PALM2AKAP2: variants seen among roughly 807,000 people sequenced by gnomAD.
PALM2AKAP2 encodes PALM2 and AKAP2 fusion.
Under a neutral mutation model 71.5 loss-of-function variants are expected in PALM2AKAP2, and 37 were observed. The observed-to-expected ratio is 0.52, with a 90% CI of 0.40 to 0.68. The LOEUF (loss-of-function observed/expected upper bound fraction) is 0.68, where lower values mean the gene tolerates loss of function less well. Ranked by LOEUF, PALM2AKAP2 falls within the 30% of genes least tolerant of loss-of-function variation. The probability of loss-of-function intolerance (pLI) is 0.00; values close to 1 mark genes in which losing one functional copy is unlikely to be tolerated. For synonymous variants in PALM2AKAP2, 468 were observed against 478.8 expected (o/e 0.98, Z 0.29); for missense variants, 1,224 against 1,191.8 (o/e 1.03, Z -0.40).
At chr9:109,914,474 TAGC>T (rs1260922572) in intron 3 of PALM2AKAP2, among the ~76,000 whole-genome samples, 1 of 152,296 alleles carries the variant, frequency 6.6e-6, no homozygotes. Flanking sequence ...TTGAGCAACT[TAGC>T]AGTCCCCTTT....
intron 1 of PALM2AKAP2, among the ~76,000 whole-genome samples, chr9:109,790,062 C>G (rs1327467528): frequency 6.6e-6 from 1 of 152,090 alleles, no homozygotes; most frequent in Non-Finnish European, 1.5e-5. Flanking sequence ...GAATCTGTAC[C>G]TTTCTTTTGC....
intron 7 of PALM2AKAP2, among the ~76,000 whole-genome samples, chr9:110,023,014 T>C (rs1833101853): frequency 6.6e-6 from 1 of 152,164 alleles, no homozygotes; most frequent in African/African-American, 2.4e-5. Context: ...GTCTTTGCTA[T>C]TGTGAATAGT....
chr9:109,657,929 T>C (rs1188294643), intron 1 of PALM2AKAP2, among the ~76,000 whole-genome samples: 3 of 119,914 alleles, frequency 2.5e-5, no homozygotes, highest in African/African-American at 1.0e-4. Flanking sequence ...CTCACAGATT[T>C]GTGTGTGTTT....
intron 1 of PALM2AKAP2, among the ~76,000 whole-genome samples, chr9:109,848,886 C>CA (rs145080904): frequency 0.049 from 5,718 of 117,034 alleles, 138 homozygotes; most frequent in African/African-American, 0.083. Flanking sequence ...GCCACTGTCT[C>CA]AAAAAAAAAA....
chr9:110,102,270 T>C (rs1835016429), intron 1 of PALM2AKAP2, among the ~76,000 whole-genome samples: 1 of 152,234 alleles, frequency 6.6e-6, no homozygotes, highest in South Asian at 2.1e-4. Flanking sequence ...AATGGAATAG[T>C]GCTTAATGGG....
chr9:109,999,956 TA>T (rs1433802749), intron 6 of PALM2AKAP2, among the ~76,000 whole-genome samples: 1 of 151,672 alleles, frequency 6.6e-6, no homozygotes, highest in Non-Finnish European at 1.5e-5. Context: ...TTTTTTTTTT[TA>T]AAGACTGAAA....
At chr9:109,990,916 C>T (rs928161454) in intron 6 of PALM2AKAP2, among the ~76,000 whole-genome samples, 6 of 152,144 alleles carry the variant, frequency 3.9e-5, no homozygotes, top group African/African-American at 1.4e-4. Flanking sequence ...TTCCAAATTT[C>T]CTTTTGGTGC....
At position 109,902,199 on chromosome 9, in the gene PALM2AKAP2, G is replaced by A. The variant is rs1830345573; in HGVS notation, c.257+21518G>A. Among the ~76,000 whole-genome samples the A allele has an allele frequency of 2.6e-5, 4 of 152,240 alleles. No homozygotes were observed. In the South Asian group the frequency reaches 6.2e-4, roughly 24 times the overall value. ...AGCTACTTCACCCATCTGCAAAGTG[G>A]GAATCAATGATATGTATCTCATTTG... On this transcript the variant is annotated intron_variant, in intron 3 of 9. Coordinates refer to the PALM2AKAP2 transcript ENST00000302798.
chr9:109,915,051 GA>G (rs1208191086), intron 3 of PALM2AKAP2, among the ~76,000 whole-genome samples: 19 of 152,268 alleles, frequency 1.2e-4, no homozygotes, highest in African/African-American at 1.7e-4. Context: ...CTCCACCATG[GA>G]AAATAAGTTT....
At chr9:109,898,648 T>C (rs898986092) in intron 3 of PALM2AKAP2, among the ~76,000 whole-genome samples, 1 of 152,202 alleles carries the variant, frequency 6.6e-6, no homozygotes, top group Non-Finnish European at 1.5e-5. Context: ...TTTATGAAGA[T>C]CTTAGGAATT....
chr9:109,855,195 C>T (rs1587962634), intron 1 of PALM2AKAP2, among the ~76,000 whole-genome samples: 1 of 152,154 alleles, frequency 6.6e-6, no homozygotes, highest in Non-Finnish European at 1.5e-5. Context: ...ATTTCAGCCT[C>T]CTGAGTAGTT....
At chr9:109,747,930 C>T (rs1300672172) in intron 1 of PALM2AKAP2, among the ~76,000 whole-genome samples, 1 of 152,204 alleles carries the variant, frequency 6.6e-6, no homozygotes, top group Non-Finnish European at 1.5e-5. Context: ...CTCAGCCTCC[C>T]AAAGTGCTGG....
intron 1 of PALM2AKAP2, among the ~76,000 whole-genome samples, chr9:110,075,798 G>T (rs1042268131): frequency 6.6e-6 from 1 of 151,834 alleles, no homozygotes; most frequent in African/African-American, 2.4e-5. Flanking sequence ...GTAGTACAAA[G>T]AATTTTTGTT....
At chr9:109,906,155 C>G (rs1830441348) in intron 3 of PALM2AKAP2, among the ~76,000 whole-genome samples, 2 of 152,142 alleles carry the variant, frequency 1.3e-5, no homozygotes, top group Admixed American at 1.3e-4. Flanking sequence ...CAGCCAATCT[C>G]TAGTCACTGG....
chr9:109,666,293 C>G (rs188375351), intron 1 of PALM2AKAP2, among the ~76,000 whole-genome samples: 1 of 152,184 alleles, frequency 6.6e-6, no homozygotes, highest in South Asian at 2.1e-4. Flanking sequence ...AGCTGCAGAT[C>G]GGAGCTGTTC....
chr9:109,843,245 T>G (rs1828755493), intron 1 of PALM2AKAP2, among the ~76,000 whole-genome samples: 1 of 132,828 alleles, frequency 7.5e-6, no homozygotes. Context: ...GGTGCTGCAG[T>G]GAGCTATGAT....
intron 1 of PALM2AKAP2, among the ~76,000 whole-genome samples, chr9:109,654,314 A>G (rs568545378): frequency 2.0e-4 from 30 of 152,334 alleles, no homozygotes; most frequent in African/African-American, 7.0e-4. Context: ...ATTAAAAGCA[A>G]GGGAAAAGCA....
At chr9:109,670,133 T>A (rs1827552610) in intron 1 of PALM2AKAP2, among the ~76,000 whole-genome samples, 1 of 152,132 alleles carries the variant, frequency 6.6e-6, no homozygotes, top group South Asian at 2.1e-4. Context: ...AAAAAACTTT[T>A]GATTTCAGGG....
At chr9:109,904,393 A>T (rs1830397667) in intron 3 of PALM2AKAP2, among the ~76,000 whole-genome samples, 1 of 152,220 alleles carries the variant, frequency 6.6e-6, no homozygotes, top group African/African-American at 2.4e-5. Flanking sequence ...TGTTATTATT[A>T]TTATGACTTG....
Sources: gnomAD v4.1 joint callset for allele counts (sites outside exome capture counted in the v4.1 genomes callset) on GRCh38, gnomAD v4.1.1 for gene constraint, MANE v1.5 for transcripts, NCBI Gene and HGNC (gene_info 2026-07-23, HGNC 2026-07-21) for gene names.